CDH18: variants seen among roughly 807,000 people sequenced by gnomAD.
CDH18 encodes cadherin-18.
A neutral mutation model predicts 67.9 loss-of-function variants in CDH18; 31 were observed. The observed-to-expected ratio is 0.46, with a 90% CI of 0.34 to 0.62. The LOEUF (loss-of-function observed/expected upper bound fraction) is 0.62, where lower values mean the gene tolerates loss of function less well. Among genes scored for constraint, CDH18 ranks in the 20% least tolerant of loss-of-function variants. CDH18 has a pLI of 0.01. For missense variants in CDH18, 890 were observed against 975.5 expected (o/e 0.91, Z 1.17); for synonymous variants, 362 against 347.2 (o/e 1.04, Z -0.48).
chr5:20,107,181 C>T (rs1209091137), intron 2 of CDH18, among the ~76,000 whole-genome samples: 2 of 151,698 alleles, frequency 1.3e-5, no homozygotes, highest in East Asian at 2.0e-4. Context: ...CCTGGGTTCA[C>T]GCCATTCTCC....
chr5:19,563,933 A>G (rs906673649), intron 8 of CDH18, among the ~76,000 whole-genome samples: 11 of 152,184 alleles, frequency 7.2e-5, no homozygotes, highest in African/African-American at 2.7e-4. Flanking sequence ...GAACACAATG[A>G]TTATGAGACT....
At chr5:19,933,496 G>T (rs953033849) in intron 2 of CDH18, among the ~76,000 whole-genome samples, 1 of 151,180 alleles carries the variant, frequency 6.6e-6, no homozygotes, top group Non-Finnish European at 1.5e-5. Context: ...TCCAGCTATT[G>T]TCCCAATTTT....
intron 5 of CDH18, among the ~76,000 whole-genome samples, chr5:19,705,280 C>A (rs1356185548): frequency 6.6e-6 from 1 of 152,156 alleles, no homozygotes; most frequent in African/African-American, 2.4e-5. Flanking sequence ...CTACTCCTTA[C>A]TCCTACTTGG....
Position 19,506,905 on chromosome 5 carries a change from G to A in CDH18, c.1513-3796C>T, listed in dbSNP as rs973634956. The stretch of plus-strand genomic sequence containing the variant: ...CAACAAAAGCCAAAATTGACAAATG[G>A]GATCTAATTAAACTAAAGAGCTTCT... On this transcript the variant is annotated intron_variant, in intron 10 of 12. Transcript: ENST00000382275. 1.3e-4 allele frequency among the ~76,000 whole-genome samples: 20 copies of A among 152,090 alleles called. No individual in the cohort carries two copies. In the East Asian group the frequency reaches 1.5e-3, roughly 12 times the overall value.
chr5:19,503,043 G>A lies in CDH18; in HGVS notation c.1579C>T (p.Leu527Phe), dbSNP rs765442242. The change falls in exon 11 of 13, where the codon CTT becomes TTT. Residue 527 changes from leucine (L) to phenylalanine (F), a missense_variant. Transcript: ENST00000382275. ...GGATTTACAGGCAGGCGTTCATCAA[G>A]AAAGAAGTTAAACCTTGGTCCATTG... Reference protein sequence around the residue: ...FANGPRFNFFLDERLPVNPNF... With the variant: ...FANGPRFNFFFDERLPVNPNF... 1.2e-6 allele frequency: 2 copies of A among 1,612,866 alleles called. No homozygotes were observed.
chr5:19,966,452 A>T (rs753983151), intron 2 of CDH18, among the ~76,000 whole-genome samples: 15 of 152,128 alleles, frequency 9.9e-5, no homozygotes, highest in Non-Finnish European at 8.8e-5. Context: ...TATCCACATA[A>T]TTGTATATTC....
intron 3 of CDH18, among the ~76,000 whole-genome samples, chr5:19,771,616 AC>A (rs1221637960): frequency 3.3e-5 from 5 of 152,230 alleles, no homozygotes; most frequent in Non-Finnish European, 5.9e-5. Context: ...TTCCTGACTC[AC>A]AGAAACTGTG....
At chr5:20,571,618 T>C (rs1561142387) in intron 1 of CDH18, among the ~76,000 whole-genome samples, 2 of 152,138 alleles carry the variant, frequency 1.3e-5, no homozygotes, top group African/African-American at 4.8e-5. Flanking sequence ...TCAAGGTATG[T>C]AAATTTTCAA....
chr5:19,536,165 T>C (rs1459861812), intron 9 of CDH18, among the ~76,000 whole-genome samples: 4 of 152,138 alleles, frequency 2.6e-5, no homozygotes, highest in African/African-American at 7.2e-5. Flanking sequence ...ATTTCTAAAC[T>C]TGACATGGTT....
At position 19,637,127 on chromosome 5, in the gene CDH18, T is replaced by C. The variant is rs1753264257; in HGVS notation, c.644-24526A>G. 2.6e-5 allele frequency among the ~76,000 whole-genome samples: 4 copies of C among 152,056 alleles called. No homozygotes were observed. The South Asian group carries it at 8.3e-4, about 32-fold the overall frequency. Reference sequence around the variant, plus strand: ...ATTTCTGTTTTTTTGTTTTCCTTTTTCTTTCTCTTTCTTTCTTTCTTTCTT... The same window carrying C: ...ATTTCTGTTTTTTTGTTTTCCTTTTCCTTTCTCTTTCTTTCTTTCTTTCTT... On this transcript the variant is annotated intron_variant, in intron 5 of 12. Transcript: ENST00000382275.
At chr5:19,863,056 C>G (rs1297336908) in intron 2 of CDH18, among the ~76,000 whole-genome samples, 1 of 151,908 alleles carries the variant, frequency 6.6e-6, no homozygotes. Flanking sequence ...GCAGGAGAAA[C>G]AGATTTAGGA....
At chr5:20,296,563 C>T (rs1038194104) in intron 1 of CDH18, among the ~76,000 whole-genome samples, 2 of 152,042 alleles carry the variant, frequency 1.3e-5, no homozygotes, top group African/African-American at 2.4e-5. Flanking sequence ...CCCCGGCCCA[C>T]TAAGTTTTTA....
chr5:20,020,656 C>A (rs3105779), intron 2 of CDH18, among the ~76,000 whole-genome samples: 21,759 of 152,006 alleles, frequency 0.14, 3,670 homozygotes, highest in African/African-American at 0.4. Flanking sequence ...CTGGGTGTGC[C>A]GGGGCCAAGG....
intron 5 of CDH18, among the ~76,000 whole-genome samples, chr5:19,691,176 CAG>C (rs3062938): frequency 0.56 from 84,280 of 151,342 alleles, 26,533 homozygotes; most frequent in East Asian, 0.74. Context: ...AGGACAAAAA[CAG>C]AGAGTCACAT....
chr5:20,197,743 A>T (rs2126740050), intron 2 of CDH18, among the ~76,000 whole-genome samples: 1 of 152,328 alleles, frequency 6.6e-6, no homozygotes, highest in East Asian at 1.9e-4. Flanking sequence ...GTAAGGTAAA[A>T]GTATAAACGG....
intron 2 of CDH18, among the ~76,000 whole-genome samples, chr5:20,226,554 A>G (rs1012794316): frequency 2.0e-5 from 3 of 152,082 alleles, no homozygotes; most frequent in Non-Finnish European, 2.9e-5. Context: ...TTTAAGGGAA[A>G]TTTTCACTTT....
rs563604270 is a variant in CDH18, at chr5:19,710,967, T to C, written c.643+10380A>G. 1.1e-3 allele frequency among the ~76,000 whole-genome samples: 163 copies of C among 152,166 alleles called. 1 individual carries two copies. The highest frequency in any genetic ancestry group is 3.8e-3 in the African/African-American group (159 of 41,530). ...AAGCCACATACCTAAGGCCAACTGA[T>C]CTTTTAAAAAACCAACAAAAACAAA... On this transcript the variant is annotated intron_variant, in intron 5 of 12. Transcript: ENST00000382275.
chr5:19,619,497 T>G (rs1750362819), intron 5 of CDH18, among the ~76,000 whole-genome samples: 2 of 152,102 alleles, frequency 1.3e-5, no homozygotes, highest in South Asian at 4.1e-4. Context: ...AAAGGGCACT[T>G]GACATGAACC....
chr5:20,541,440 T>C (rs1022548866), intron 1 of CDH18, among the ~76,000 whole-genome samples: 1 of 152,152 alleles, frequency 6.6e-6, no homozygotes, highest in African/African-American at 2.4e-5. Context: ...TAAATGTATT[T>C]ATAGTTTTAC....
Sources: gnomAD v4.1 joint callset for allele counts (sites outside exome capture counted in the v4.1 genomes callset) on GRCh38, gnomAD v4.1.1 for gene constraint, MANE v1.5 for transcripts, NCBI Gene and HGNC (gene_info 2026-07-23, HGNC 2026-07-21) for gene names.